OVOL2: variants seen among roughly 807,000 people sequenced by gnomAD.
OVOL2 encodes ovo like zinc finger 2.
Under a neutral mutation model 18.1 loss-of-function variants are expected in OVOL2, and 13 were observed. That is an observed-to-expected ratio of 0.72 (90% CI 0.47 to 1.14). OVOL2 has a LOEUF of 1.14. OVOL2 is among the 50% of genes most tolerant of loss of function. OVOL2 has a pLI of 0.00. For synonymous variants in OVOL2, 166 were observed against 162.7 expected (o/e 1.02, Z -0.16); for missense variants, 335 against 383.0 (o/e 0.87, Z 1.05).
At chr20:18,055,491 C>T (rs192421327) in intron 2 of OVOL2, among the ~76,000 whole-genome samples, 2 of 152,306 alleles carry the variant, frequency 1.3e-5, no homozygotes, top group East Asian at 1.9e-4. Context: ...AAGCTGCCGG[C>T]CCGCACGGTT....
At position 18,028,415 on chromosome 20, in the gene OVOL2, G is replaced by A. The variant is rs2036538988; in HGVS notation, c.512-3463C>T. ...TGGTGTCAAACTCCCGATCTCAGGT[G>A]ATCCACCTGCCTTGGCCTCTCAAAG... On this transcript the variant is annotated intron_variant, in intron 3 of 3. Coordinates refer to ENST00000278780, the MANE Select transcript of OVOL2 (RefSeq NM_021220.4). Among the ~76,000 whole-genome samples, 3 of 151,750 alleles carry A rather than the reference G, an allele frequency of 2.0e-5. No homozygotes were observed. The South Asian group carries it at 6.2e-4, about 32-fold the overall frequency.
chr20:18,035,532 G>A (rs772877351), intron 3 of OVOL2, among the ~76,000 whole-genome samples: 7 of 152,224 alleles, frequency 4.6e-5, no homozygotes, highest in African/African-American at 1.7e-4. Context: ...TTTGGAGCTG[G>A]TGAAGTTTGT....
chr20:18,049,815 G>A lies in OVOL2; in HGVS notation c.321+6842C>T, dbSNP rs117623777. On this transcript the variant is annotated intron_variant, in intron 2 of 3. Coordinates refer to ENST00000278780, the MANE Select transcript of OVOL2 (RefSeq NM_021220.4). Reference sequence around the variant, plus strand: ...ACAGGCCCACAGGTCTGTGGGGCAGGAGGAGGGGGCATGAACCCCATTGTT... The same window carrying A: ...ACAGGCCCACAGGTCTGTGGGGCAGAAGGAGGGGGCATGAACCCCATTGTT... Among the ~76,000 whole-genome samples, 1,173 of 152,276 alleles carry A rather than the reference G, an allele frequency of 7.7e-3. 7 individuals carry two copies. Among genetic ancestry groups the A allele is most frequent in the Non-Finnish European group, 0.011 (770 of 68,034 alleles).
At chr20:18,057,954 C>A, upstream of OVOL2, 6 of 1,102,042 alleles carry the variant, frequency 5.4e-6, no homozygotes, top group Non-Finnish European at 6.8e-6. This position sits in a 1 kb window ranked among gnomAD's most constrained non-coding sequence, Gnocchi z 6.3. Flanking sequence ...ACGGTGTCAA[C>A]AAGCTCGCTA....
At chr20:18,031,241 G>A (rs995076999) in intron 3 of OVOL2, among the ~76,000 whole-genome samples, 5 of 152,260 alleles carry the variant, frequency 3.3e-5, no homozygotes, top group East Asian at 3.9e-4. Flanking sequence ...CCGAAAGGCC[G>A]TTTCCTCACC....
intron 2 of OVOL2, among the ~76,000 whole-genome samples, chr20:18,054,984 T>A (rs547839950): frequency 6.6e-6 from 1 of 151,894 alleles, no homozygotes; most frequent in East Asian, 1.9e-4. Flanking sequence ...TTTTTGGGGG[T>A]AGAGGCAGAA....
intron 2 of OVOL2, among the ~76,000 whole-genome samples, chr20:18,049,622 T>C (rs1243533083): frequency 6.6e-6 from 1 of 151,944 alleles, no homozygotes; most frequent in Non-Finnish European, 1.5e-5. Flanking sequence ...GAGAGCCTTC[T>C]CAAATGCAGA....
chr20:18,031,951 C>T (rs930752824), intron 3 of OVOL2, among the ~76,000 whole-genome samples: 1 of 152,190 alleles, frequency 6.6e-6, no homozygotes, highest in African/African-American at 2.4e-5. Context: ...CTCAACTGCT[C>T]CTTTACTGAA....
intron 2 of OVOL2, among the ~76,000 whole-genome samples, chr20:18,048,695 A>G (rs2036745845): frequency 6.6e-6 from 1 of 152,204 alleles, no homozygotes; most frequent in African/African-American, 2.4e-5. Context: ...TGACAGAGAG[A>G]GACCCTGTCT....
At chr20:18,038,365 G>A (rs1035800917) in intron 3 of OVOL2, among the ~76,000 whole-genome samples, 9 of 152,136 alleles carry the variant, frequency 5.9e-5, no homozygotes, top group Admixed American at 4.6e-4. Flanking sequence ...ATCACTTTAA[G>A]TGGCAAGTAT....
chr20:18,053,839 C>T (rs1349998288), intron 2 of OVOL2, among the ~76,000 whole-genome samples: 1 of 152,140 alleles, frequency 6.6e-6, no homozygotes, highest in Non-Finnish European at 1.5e-5. Context: ...GGTTACATTT[C>T]CAGCTCTTTA....
intron 2 of OVOL2, among the ~76,000 whole-genome samples, chr20:18,055,359 T>C (rs1191705934): frequency 1.3e-5 from 2 of 152,122 alleles, no homozygotes; most frequent in Non-Finnish European, 2.9e-5. Context: ...GGGCACTTTG[T>C]AGAATCTCCC....
At position 18,033,640 on chromosome 20, in the gene OVOL2, G is replaced by A. The variant is rs147581106; in HGVS notation, c.511+7894C>T. On this transcript the variant is annotated intron_variant, in intron 3 of 3. Coordinates refer to ENST00000278780, the MANE Select transcript of OVOL2 (RefSeq NM_021220.4). ...ACTTAAATGATGGGCCTGGCACATC[G>A]GGCACTTCCGAAGCAATAGTCTGCA... 3.8e-4 allele frequency among the ~76,000 whole-genome samples: 58 copies of A among 152,252 alleles called. 1 individual carries two copies. In the East Asian group the frequency reaches 0.01, roughly 27 times the overall value.
intron 3 of OVOL2, among the ~76,000 whole-genome samples, chr20:18,028,973 G>A (rs115387163): frequency 2.6e-5 from 4 of 151,720 alleles, no homozygotes; most frequent in African/African-American, 4.8e-5. Context: ...GTCCTAACTC[G>A]CAAGTTTCTT....
Position 18,024,532 on chromosome 20 carries a change from T to G in OVOL2, c.*104A>C. On this transcript the variant is annotated 3_prime_UTR_variant, in exon 4 of 4. Transcript: ENST00000278780. ...TCAAAAGGACACAGAGGTGAACTGG[T>G]CACTTCTAATTAAGAAGAGCCAGTG... 1 of 1,456,588 alleles carries G rather than the reference T, an allele frequency of 6.9e-7. No homozygotes were observed. Among genetic ancestry groups the G allele is most frequent in the Non-Finnish European group, 9.1e-7 (1 of 1,103,232 alleles). The allele number at this position is 1,456,588 out of a possible 1,614,324, so 90.2% of individuals were successfully genotyped here.
At position 18,024,324 on chromosome 20, in the gene OVOL2, T is replaced by C. The variant is rs749144241; in HGVS notation, c.*312A>G. On this transcript the variant is annotated 3_prime_UTR_variant, in exon 4 of 4. Transcript: ENST00000278780. ...AATGATGATCTCTCTAAGAAATACC[T>C]CTCCTTCCGTGTGTGAAAATCCTTG... 3 of 291,902 alleles carry C rather than the reference T, an allele frequency of 1.0e-5. No individual in the cohort carries two copies. Among genetic ancestry groups the C allele is most frequent in the Non-Finnish European group, 1.9e-5 (3 of 157,362 alleles). 18.1% of individuals were successfully genotyped at this position (291,902 alleles called of 1,614,324 possible).
At chr20:18,049,453 C>T (rs1276865029) in intron 2 of OVOL2, among the ~76,000 whole-genome samples, 6 of 152,200 alleles carry the variant, frequency 3.9e-5, no homozygotes, top group African/African-American at 1.4e-4. Context: ...AGGCTACCTT[C>T]TGGTGGCCAT....
intron 2 of OVOL2, among the ~76,000 whole-genome samples, chr20:18,049,352 A>G (rs2036752005): frequency 6.6e-6 from 1 of 151,398 alleles, no homozygotes; most frequent in African/African-American, 2.5e-5. Flanking sequence ...GAAAACAACG[A>G]CAAAAAAAAG....
intron 2 of OVOL2, among the ~76,000 whole-genome samples, chr20:18,054,524 C>T (rs566199691): frequency 5.7e-4 from 87 of 152,220 alleles, no homozygotes; most frequent in African/African-American, 2.1e-3. Flanking sequence ...AGGCGGATCA[C>T]CTGAGGTCGG....
Sources: allele counts gnomAD v4.1 joint callset (sites outside exome capture counted in the v4.1 genomes callset), GRCh38; gene constraint gnomAD v4.1.1; non-coding constraint Gnocchi (gnomAD v3.1); transcripts MANE v1.5; gene names NCBI Gene and HGNC (gene_info 2026-07-23, HGNC 2026-07-21).